The following CCR9 variants were observed in gnomAD, a reference collection of about 807,000 sequenced individuals.
The protein encoded by CCR9 is C-C motif chemokine receptor 9.
In CCR9, 4 loss-of-function variants were observed where a neutral mutation model predicts 8.7. The observed-to-expected ratio is 0.46, with a 90% CI of 0.23 to 1.06. The LOEUF (loss-of-function observed/expected upper bound fraction) is 1.06, where lower values mean the gene tolerates loss of function less well. CCR9 is among the 50% of genes least tolerant of loss of function. The pLI, the probability that CCR9 is intolerant of heterozygous loss-of-function variation, is 0.21. For synonymous variants in CCR9, 159 were observed against 168.8 expected (o/e 0.94, Z 0.45); for missense variants, 394 against 453.6 (o/e 0.87, Z 1.19).
At position 45,901,350 on chromosome 3, in the gene CCR9, C is replaced by G. The variant is rs1702550221; in HGVS notation, c.562C>G (p.Gln188Glu). ...ALCIPEILYS[Q>E]IKEESGIAIC... is the part of the protein sequence containing the mutation. Reference sequence around the variant, plus strand: ...CTGCATCCCAGAAATCTTATACAGCCAAATCAAGGAGGAATCCGGCATTGC... The same window carrying G: ...CTGCATCCCAGAAATCTTATACAGCGAAATCAAGGAGGAATCCGGCATTGC... Residue 188 changes from glutamine to glutamate, a missense_variant, in exon 3 of 3, where the codon CAA becomes GAA. Gln to Glu is a conservative substitution (Grantham distance 29, BLOSUM62 2). Transcript: ENST00000357632. The surrounding 1 kb of genome is among the most constrained non-coding windows in gnomAD (Gnocchi z 4.3). 2 of 1,614,140 alleles carry G rather than the reference C, an allele frequency of 1.2e-6. No individual in the cohort carries two copies. The highest frequency in any genetic ancestry group is 1.7e-6 in the Non-Finnish European group (2 of 1,180,012).
rs1399250134 is a variant in CCR9, at chr3:45,900,862, T to C, written c.74T>C (p.Met25Thr). Reference protein sequence around the residue: ...DDYGSESTSSMEDYVNFNFTD... With the variant: ...DDYGSESTSSTEDYVNFNFTD... Reference sequence around the variant, plus strand: ...TATGGCTCTGAATCCACATCTTCCATGGAAGACTACGTTAACTTCAACTTC... The same window carrying C: ...TATGGCTCTGAATCCACATCTTCCACGGAAGACTACGTTAACTTCAACTTC... The change falls in exon 3 of 3, where the codon ATG (methionine) becomes ACG (threonine). Residue 25 changes from methionine (M) to threonine (T), a missense_variant. Met to Thr is a moderately conservative substitution (Grantham distance 81). Transcript: ENST00000357632. The surrounding 1 kb of genome is among the most constrained non-coding windows in gnomAD (Gnocchi z 4.7). The C allele has an allele frequency of 7.4e-6, 12 of 1,614,038 alleles. No individual in the cohort carries two copies. Among genetic ancestry groups the C allele is most frequent in the African/African-American group, 1.3e-5 (1 of 74,928 alleles).
rs934605303 is a variant in CCR9, at chr3:45,900,202, C to CT, written c.22-607dup. ...AATAATTTTTGGACCACGGGTCCTG[C>CT]TAACTATAGAGCAGGTCATGGTGCT... On this transcript the variant is annotated intron_variant, in intron 2 of 2. Transcript: ENST00000357632. This position sits in a 1 kb window ranked among gnomAD's most constrained non-coding sequence, Gnocchi z 4.7. Among the ~76,000 whole-genome samples the CT allele has an allele frequency of 1.4e-4, 21 of 152,148 alleles. No homozygotes were observed. The highest frequency in any genetic ancestry group is 6.8e-3 in the Middle Eastern group (2 of 294).
At chr3:45,891,305 TTTA>T (rs1227398352) in intron 1 of CCR9, among the ~76,000 whole-genome samples, 1 of 152,210 alleles carries the variant, frequency 6.6e-6, no homozygotes, top group African/African-American at 2.4e-5. Flanking sequence ...CTTCTAAAAA[TTTA>T]TTGTGAGTCT....
At position 45,900,885 on chromosome 3, in the gene CCR9, T is replaced by C. The variant is rs776317922; in HGVS notation, c.97T>C (p.Phe33Leu). 3.5e-5 allele frequency: 57 copies of C among 1,614,086 alleles called. No homozygotes were observed. The highest frequency in any genetic ancestry group is 3.3e-4 in the Middle Eastern group (2 of 6,084). ...CATGGAAGACTACGTTAACTTCAAC[T>C]TCACTGACTTCTACTGTGAGAAAAA... is the stretch of plus-strand genomic sequence containing the variant. ...SSMEDYVNFN[F>L]TDFYCEKNNV... is the part of the protein sequence containing the mutation. The change falls in exon 3 of 3, where the codon TTC (phenylalanine) becomes CTC (leucine). Residue 33 changes from phenylalanine (F) to leucine (L), a missense_variant. Phe to Leu is a conservative substitution (Grantham distance 22). Transcript: ENST00000357632. The surrounding 1 kb of genome is among the most constrained non-coding windows in gnomAD (Gnocchi z 4.7).
chr3:45,890,312 T>TATAAC (rs10677703), intron 1 of CCR9, among the ~76,000 whole-genome samples: 2 of 61,994 alleles, frequency 3.2e-5, no homozygotes, highest in African/African-American at 8.7e-5. Context: ...AACATATATA[T>TATAAC]ATATTTATAT....
At chr3:45,895,093 A>G in intron 2 of CCR9, 139 bp downstream of exon 2, 1 of 894,060 alleles carries the variant, frequency 1.1e-6, no homozygotes, top group Non-Finnish European at 1.9e-6. Flanking sequence ...GGCAATGCGC[A>G]TTGCTGGGTA....
chr3:45,902,462 G>A lies in CCR9; in HGVS notation c.*564G>A. 1 of 167,546 alleles carries A rather than the reference G, an allele frequency of 6.0e-6. No homozygotes were observed. 10.4% of individuals were successfully genotyped at this position (167,546 alleles called of 1,614,324 possible). A position where few individuals can be genotyped will look rare whatever the true frequency, so the allele number is the denominator to read the frequency against. ...AATTTCCTTCTGTTCTCCTTGTTCTGTTCTGGGCCAGTGAAGGTCCTTGTT... is the reference window on the plus strand; with the variant it reads ...AATTTCCTTCTGTTCTCCTTGTTCTATTCTGGGCCAGTGAAGGTCCTTGTT... On this transcript the variant is annotated 3_prime_UTR_variant, in exon 3 of 3. Coordinates refer to ENST00000357632, the MANE Select transcript of CCR9 (RefSeq NM_031200.3).
chr3:45,895,139 A>T, intron 2 of CCR9, 185 bp downstream of exon 2: 1 of 644,802 alleles, frequency 1.6e-6, no homozygotes, highest in Non-Finnish European at 2.8e-6. Context: ...TGCAAATGCA[A>T]AGAGGCAGCT....
At chr3:45,899,586 T>A (rs1477448778) in intron 2 of CCR9, among the ~76,000 whole-genome samples, 1 of 152,078 alleles carries the variant, frequency 6.6e-6, no homozygotes, top group African/African-American at 2.4e-5. Context: ...AGAGATGAGA[T>A]TTGGCAAGGA....
rs72197666 is a variant in CCR9, at chr3:45,890,304, CATAT to C, written c.-29+3658_-29+3661del. Among the ~76,000 whole-genome samples, 11 of 12,098 alleles carry C rather than the reference CATAT, an allele frequency of 9.1e-4. 4 individuals carry two copies. Among genetic ancestry groups the C allele is most frequent in the African/African-American group, 5.8e-3 (11 of 1,912 alleles). 7.9% of individuals were successfully genotyped at this position (12,098 alleles called of 152,430 possible). ...TATATTTATATAAATATATATATAA[CATAT>C]ATATATATTTATATAAATATATATA... On this transcript the variant is annotated intron_variant, in intron 1 of 2. Transcript: ENST00000357632.
intron 2 of CCR9, among the ~76,000 whole-genome samples, chr3:45,898,084 G>A (rs1702424430): frequency 2.0e-5 from 3 of 151,088 alleles, no homozygotes; most frequent in Non-Finnish European, 2.9e-5. Context: ...ATTCACAGTC[G>A]GTACTTGCTC....
intron 1 of CCR9, among the ~76,000 whole-genome samples, chr3:45,888,214 T>C (rs1265102339): frequency 6.6e-6 from 1 of 152,232 alleles, no homozygotes; most frequent in African/African-American, 2.4e-5. Flanking sequence ...CCATGCTTTC[T>C]GACTTTCATG....
intron 2 of CCR9, among the ~76,000 whole-genome samples, chr3:45,898,570 A>G (rs140239103): frequency 8.2e-4 from 125 of 152,282 alleles, no homozygotes; most frequent in African/African-American, 2.8e-3. Context: ...TCTCTTTGCA[A>G]TAGGATTTTC....
At chr3:45,891,412 C>T (rs1702175033) in intron 1 of CCR9, among the ~76,000 whole-genome samples, 1 of 152,084 alleles carries the variant, frequency 6.6e-6, no homozygotes, top group South Asian at 2.1e-4. Flanking sequence ...TCATTTTGTC[C>T]TACTGGCTTT....
chr3:45,889,501 A>T lies in CCR9; in HGVS notation c.-29+2846A>T, dbSNP rs552166633. On this transcript the variant is annotated intron_variant, in intron 1 of 2. Transcript: ENST00000357632. ...TTGGGCTTCTTCTTCTTTTTTTTTT[A>T]AATCTGACAAGTTATTTTTATGACA... Among the ~76,000 whole-genome samples, 10 of 151,652 alleles carry T rather than the reference A, an allele frequency of 6.6e-5. No homozygotes were observed. In the South Asian group the frequency reaches 1.5e-3, roughly 22 times the overall value.
intron 2 of CCR9, among the ~76,000 whole-genome samples, chr3:45,899,685 A>G (rs1051691610): frequency 2.0e-5 from 3 of 152,148 alleles, no homozygotes; most frequent in Non-Finnish European, 4.4e-5. Context: ...AACTGGTGGG[A>G]AGTGAGAGCG....
At chr3:45,898,716 A>T (rs1021081634) in intron 2 of CCR9, among the ~76,000 whole-genome samples, 1 of 152,234 alleles carries the variant, frequency 6.6e-6, no homozygotes, top group Non-Finnish European at 1.5e-5. Flanking sequence ...GTCCTTTATC[A>T]ATCAATTCAG....
rs200612109 is a variant in CCR9, at chr3:45,900,872, C to T, written c.84C>T (p.Tyr28=). ...AATCCACATCTTCCATGGAAGACTA[C>T]GTTAACTTCAACTTCACTGACTTCT... The part of the protein sequence containing the change: ...GSESTSSMED[Y]VNFNFTDFYC... Residue 28 remains tyrosine, a synonymous_variant, in exon 3 of 3, where the codon TAC becomes TAT. Transcript: ENST00000357632. The surrounding 1 kb of genome is among the most constrained non-coding windows in gnomAD (Gnocchi z 4.7). 7.9e-5 allele frequency: 128 copies of T among 1,613,956 alleles called. No individual in the cohort carries two copies. Among genetic ancestry groups the T allele is most frequent in the Non-Finnish European group, 9.7e-5 (115 of 1,179,948 alleles).
At chr3:45,895,594 A>G (rs1279006429) in intron 2 of CCR9, among the ~76,000 whole-genome samples, 4 of 152,176 alleles carry the variant, frequency 2.6e-5, no homozygotes, top group Non-Finnish European at 5.9e-5. Flanking sequence ...TGCGCATGTA[A>G]TCCCAGCTAC....
Sources: gnomAD v4.1 joint callset for allele counts (sites outside exome capture counted in the v4.1 genomes callset) on GRCh38, gnomAD v4.1.1 for gene constraint, Gnocchi (gnomAD v3.1) non-coding constraint, MANE v1.5 for transcripts, NCBI Gene and HGNC (gene_info 2026-07-23, HGNC 2026-07-21) for gene names.